Variants in KCNIP4 observed in about 807,000 individuals in gnomAD.
KCNIP4 encodes the protein potassium voltage-gated channel interacting protein 4.
Under a neutral mutation model 34.0 loss-of-function variants are expected in KCNIP4, and 12 were observed. The ratio of observed to expected loss-of-function variants is 0.35; its 90% CI spans 0.23 to 0.57. The LOEUF is 0.57. KCNIP4 is among the 20% of genes least tolerant of loss of function. KCNIP4 has a pLI of 0.83. For synonymous variants in KCNIP4, 124 were observed against 102.2 expected, an observed-to-expected ratio of 1.21 and a Z score of -1.29; for missense variants, 238 against 311.7, an observed-to-expected ratio of 0.76 and a Z score of 1.78.
intron 1 of KCNIP4, among the ~76,000 whole-genome samples, chr4:21,649,797 C>T (rs918984289): frequency 1.3e-5 from 2 of 152,124 alleles, no homozygotes; most frequent in Non-Finnish European, 1.5e-5. Context: ...TAAACTAGAG[C>T]TGAATCAACT....
intron 1 of KCNIP4, among the ~76,000 whole-genome samples, chr4:21,564,757 T>C (rs1246813493): frequency 6.6e-6 from 1 of 152,052 alleles, no homozygotes; most frequent in Non-Finnish European, 1.5e-5. Flanking sequence ...TCAGGATGCT[T>C]CCACTCATGG....
At chr4:21,069,194 T>C (rs1744674867) in intron 1 of KCNIP4, among the ~76,000 whole-genome samples, 1 of 152,198 alleles carries the variant, frequency 6.6e-6, no homozygotes, top group Non-Finnish European at 1.5e-5. Flanking sequence ...TATTGACTCA[T>C]ATTACACCTA....
intron 1 of KCNIP4, among the ~76,000 whole-genome samples, chr4:21,563,486 A>G (rs1739617032): frequency 6.6e-6 from 1 of 152,152 alleles, no homozygotes; most frequent in Non-Finnish European, 1.5e-5. Flanking sequence ...TCCACAATTT[A>G]TATGAAAATC....
intron 1 of KCNIP4, among the ~76,000 whole-genome samples, chr4:21,675,126 G>A (rs1466479756): frequency 6.6e-6 from 1 of 152,134 alleles, no homozygotes; most frequent in Admixed American, 6.6e-5. Context: ...TGAAAAGAAT[G>A]AGATCCAGTC....
At chr4:20,897,563 T>C (rs1726693201) in intron 1 of KCNIP4, among the ~76,000 whole-genome samples, 1 of 151,532 alleles carries the variant, frequency 6.6e-6, no homozygotes, top group Non-Finnish European at 1.5e-5. Context: ...GTACTTCAGA[T>C]TATATTTGGA....
chr4:21,775,811 G>A (rs951985328), intron 1 of KCNIP4, among the ~76,000 whole-genome samples: 2 of 152,220 alleles, frequency 1.3e-5, no homozygotes, highest in Non-Finnish European at 2.9e-5. Flanking sequence ...GGCTCCAGCA[G>A]GGGAAAAGCA....
intron 1 of KCNIP4, among the ~76,000 whole-genome samples, chr4:21,337,868 C>T (rs1009963453): frequency 3.6e-4 from 55 of 152,008 alleles, no homozygotes; most frequent in Non-Finnish European, 2.5e-4. Context: ...ATTAGGATTG[C>T]GTTTGGCTAC....
intron 1 of KCNIP4, among the ~76,000 whole-genome samples, chr4:21,601,385 T>C (rs1014060280): frequency 7.2e-5 from 11 of 152,038 alleles, no homozygotes; most frequent in African/African-American, 1.4e-4. Flanking sequence ...TTAATATATA[T>C]CCAGCTATAA....
At chr4:20,741,863 T>C (rs920538189) in intron 5 of KCNIP4, among the ~76,000 whole-genome samples, 2 of 151,766 alleles carry the variant, frequency 1.3e-5, no homozygotes, top group African/African-American at 2.4e-5. Context: ...ATCAAATAGA[T>C]GCAATAAAAA....
chr4:21,678,997 A>G (rs962899177), intron 1 of KCNIP4, among the ~76,000 whole-genome samples: 2 of 152,164 alleles, frequency 1.3e-5, no homozygotes, highest in East Asian at 1.9e-4. Context: ...AGATACCAGG[A>G]GCACACAAGC....
At chr4:21,495,976 T>C (rs1330550332) in intron 1 of KCNIP4, among the ~76,000 whole-genome samples, 3 of 152,140 alleles carry the variant, frequency 2.0e-5, no homozygotes, top group Non-Finnish European at 4.4e-5. Flanking sequence ...CCCTGCAATC[T>C]GCATAATTTG....
At chr4:21,565,811 A>G (rs1739839360) in intron 1 of KCNIP4, among the ~76,000 whole-genome samples, 1 of 152,162 alleles carries the variant, frequency 6.6e-6, no homozygotes, top group Non-Finnish European at 1.5e-5. Context: ...AGAGCTCTAA[A>G]GAGATTGCTG....
intron 1 of KCNIP4, among the ~76,000 whole-genome samples, chr4:21,368,346 T>C (rs1578136360): frequency 6.8e-6 from 1 of 147,168 alleles, no homozygotes; most frequent in Non-Finnish European, 1.5e-5. Flanking sequence ...TCTTATGACA[T>C]TAAGACCATT....
intron 3 of KCNIP4, among the ~76,000 whole-genome samples, chr4:20,799,893 A>C (rs186737364): frequency 7.2e-4 from 110 of 152,352 alleles, no homozygotes; most frequent in African/African-American, 2.5e-3. Context: ...CAGGGTCAGA[A>C]CATAGCTATA....
chr4:21,511,779 A>G (rs1414876243), intron 1 of KCNIP4, among the ~76,000 whole-genome samples: 1 of 152,156 alleles, frequency 6.6e-6, no homozygotes, highest in African/African-American at 2.4e-5. Context: ...GAGTCCCGTG[A>G]TAACTTGTGC....
At chr4:21,497,757 C>T (rs981034659) in intron 1 of KCNIP4, among the ~76,000 whole-genome samples, 12 of 152,182 alleles carry the variant, frequency 7.9e-5, no homozygotes, top group African/African-American at 2.6e-4. Context: ...TAAATCAATT[C>T]ATAATTCTAC....
At chr4:21,254,463 A>T (rs1760924121) in intron 1 of KCNIP4, among the ~76,000 whole-genome samples, 1 of 152,226 alleles carries the variant, frequency 6.6e-6, no homozygotes, top group Admixed American at 6.5e-5. Context: ...ATAATCTCAT[A>T]GGAGTAATAG....
intron 1 of KCNIP4, among the ~76,000 whole-genome samples, chr4:21,104,067 C>T (rs779785516): frequency 1.3e-5 from 2 of 152,118 alleles, no homozygotes; most frequent in East Asian, 3.9e-4. Context: ...CTCTTTATAG[C>T]AGCATGATTT....
chr4:21,071,509 A>G (rs766690899), intron 1 of KCNIP4, among the ~76,000 whole-genome samples: 7 of 152,186 alleles, frequency 4.6e-5, no homozygotes, highest in Non-Finnish European at 8.8e-5. Context: ...AGTCATGTAG[A>G]GTAACTTTAC....
Sources: allele counts gnomAD v4.1 joint callset (sites outside exome capture counted in the v4.1 genomes callset), GRCh38; gene constraint gnomAD v4.1.1; transcripts MANE v1.5; gene names NCBI Gene and HGNC (gene_info 2026-07-23, HGNC 2026-07-21).